The following MYT1L variants were observed in gnomAD, a reference collection of about 807,000 sequenced individuals.
The protein encoded by MYT1L is myelin transcription factor 1-like protein.
A neutral mutation model predicts 126.7 loss-of-function variants in MYT1L; 12 were observed. The ratio of observed to expected loss-of-function variants is 0.09; its 90% CI spans 0.06 to 0.15. The LOEUF (loss-of-function observed/expected upper bound fraction) is 0.15. Among genes scored for constraint, MYT1L ranks in the 10% least tolerant of loss-of-function variants. The probability of loss-of-function intolerance (pLI) is 1.00; values close to 1 mark genes in which losing one functional copy is unlikely to be tolerated. For synonymous variants in MYT1L, 541 were observed against 604.2 expected (o/e 0.90, Z 1.53); for missense variants, 979 against 1,585.2 (o/e 0.62, Z 6.49).
intron 4 of MYT1L, among the ~76,000 whole-genome samples, chr2:1,997,684 A>G (rs1045123103): frequency 2.6e-5 from 4 of 152,170 alleles, no homozygotes; most frequent in South Asian, 2.1e-4. Flanking sequence ...GAAGCCCTGC[A>G]CACAGCCTTA....
chr2:1,988,629 T>C (rs888579657), intron 5 of MYT1L, among the ~76,000 whole-genome samples: 6 of 152,252 alleles, frequency 3.9e-5, no homozygotes, highest in Non-Finnish European at 7.3e-5. Flanking sequence ...ATCACCTTTA[T>C]GAATCTGAGT....
At chr2:2,250,821 A>C (rs954581523) in intron 2 of MYT1L, among the ~76,000 whole-genome samples, 1 of 152,110 alleles carries the variant, frequency 6.6e-6, no homozygotes, top group Non-Finnish European at 1.5e-5. Flanking sequence ...AAGGAAATTG[A>C]GAAAAAGAAA....
intron 8 of MYT1L, among the ~76,000 whole-genome samples, chr2:1,960,222 G>T (rs1414655649): frequency 3.9e-5 from 6 of 152,172 alleles, no homozygotes; most frequent in Non-Finnish European, 8.8e-5. Flanking sequence ...GGCCTCTGAG[G>T]AAAAGTGATG....
chr2:1,928,859 C>T (rs561566544), intron 9 of MYT1L, among the ~76,000 whole-genome samples: 13 of 152,166 alleles, frequency 8.5e-5, no homozygotes, highest in Non-Finnish European at 1.5e-4. Context: ...TCCAGGACTC[C>T]GGACTGATAT....
At chr2:1,819,224 G>T (rs76628271) in intron 21 of MYT1L, among the ~76,000 whole-genome samples, 1 of 152,296 alleles carries the variant, frequency 6.6e-6, no homozygotes, top group East Asian at 1.9e-4. Flanking sequence ...GAGAAGAGAC[G>T]TTTTGAAGAG....
At chr2:2,064,032 T>C (rs1448618712) in intron 3 of MYT1L, among the ~76,000 whole-genome samples, 1 of 152,218 alleles carries the variant, frequency 6.6e-6, no homozygotes, top group African/African-American at 2.4e-5. Context: ...GGTTGTTTAA[T>C]ACCCATTATT....
chr2:2,248,093 C>A (rs1433073829), intron 2 of MYT1L, among the ~76,000 whole-genome samples: 2 of 151,428 alleles, frequency 1.3e-5, no homozygotes, highest in Non-Finnish European at 2.9e-5. Flanking sequence ...ATCAATGAAA[C>A]TGTTTTTTTA....
chr2:1,853,686 GA>G (rs2043562553), intron 18 of MYT1L, among the ~76,000 whole-genome samples: 1 of 152,124 alleles, frequency 6.6e-6, no homozygotes, highest in Non-Finnish European at 1.5e-5. Context: ...CTTAAGAAAA[GA>G]AAAAGATTCT....
chr2:2,162,090 A>C (rs149817267), intron 3 of MYT1L, among the ~76,000 whole-genome samples: 72 of 152,266 alleles, frequency 4.7e-4, no homozygotes, highest in African/African-American at 1.6e-3. Context: ...TCTCTGCAGG[A>C]AACACAAATG....
intron 2 of MYT1L, among the ~76,000 whole-genome samples, chr2:2,198,500 G>A (rs777288258): frequency 6.6e-6 from 1 of 152,100 alleles, no homozygotes; most frequent in African/African-American, 2.4e-5. Flanking sequence ...ATGATACTAT[G>A]TATATACGCA....
At chr2:1,993,884 C>T (rs368753857) in intron 5 of MYT1L, among the ~76,000 whole-genome samples, 5 of 152,190 alleles carry the variant, frequency 3.3e-5, no homozygotes, top group African/African-American at 1.2e-4. Context: ...TTCTCTCACA[C>T]CCTCACCGTC....
At chr2:2,051,217 A>C (rs554120141) in intron 4 of MYT1L, among the ~76,000 whole-genome samples, 128 of 152,306 alleles carry the variant, frequency 8.4e-4, no homozygotes, top group Non-Finnish European at 1.4e-3. Flanking sequence ...GTGACAACTG[A>C]ATAGTATTCC....
At chr2:1,915,282 T>C (rs2052655260) in intron 11 of MYT1L, among the ~76,000 whole-genome samples, 1 of 152,168 alleles carries the variant, frequency 6.6e-6, no homozygotes, top group Non-Finnish European at 1.5e-5. Flanking sequence ...TTATAAAGAA[T>C]CGCACAGGAG....
At chr2:2,117,527 AT>A (rs1223143619) in intron 3 of MYT1L, among the ~76,000 whole-genome samples, 1 of 152,174 alleles carries the variant, frequency 6.6e-6, no homozygotes, top group Non-Finnish European at 1.5e-5. Context: ...TACAAAAAGC[AT>A]CTGTGCCAAG....
intron 1 of MYT1L, chr2:2,306,036 G>A (rs2095853154): frequency 6.6e-6 from 1 of 152,160 alleles, no homozygotes; most frequent in African/African-American, 2.4e-5. Flanking sequence ...AATCTGAATG[G>A]TGACATTTCT....
chr2:2,310,597 C>G (rs187196347), intron 1 of MYT1L, among the ~76,000 whole-genome samples: 3 of 152,164 alleles, frequency 2.0e-5, no homozygotes, highest in East Asian at 3.9e-4. Flanking sequence ...TAGAACCCTA[C>G]GTTTTCTTCA....
chr2:2,068,231 T>C (rs920123817), intron 3 of MYT1L, among the ~76,000 whole-genome samples: 1 of 152,158 alleles, frequency 6.6e-6, no homozygotes, highest in Non-Finnish European at 1.5e-5. Flanking sequence ...GAGGAGCTGA[T>C]ACCCTGGCCA....
At chr2:1,978,393 C>G (rs576282454) in intron 8 of MYT1L, among the ~76,000 whole-genome samples, 2 of 152,280 alleles carry the variant, frequency 1.3e-5, no homozygotes, top group South Asian at 4.2e-4. Context: ...TAATTGAAAC[C>G]TTTCTATTGA....
intron 8 of MYT1L, among the ~76,000 whole-genome samples, chr2:1,972,249 C>G (rs1258330371): frequency 6.6e-6 from 1 of 152,160 alleles, no homozygotes; most frequent in Non-Finnish European, 1.5e-5. Flanking sequence ...GCAATGTATT[C>G]CACGCACCCA....
Sources: gnomAD v4.1 joint callset for allele counts (sites outside exome capture counted in the v4.1 genomes callset) on GRCh38, gnomAD v4.1.1 for gene constraint, MANE v1.5 for transcripts, NCBI Gene and HGNC (gene_info 2026-07-23, HGNC 2026-07-21) for gene names.